ADAM23: variants seen among roughly 807,000 people sequenced by gnomAD.
The protein encoded by ADAM23 is ADAM metallopeptidase domain 23.
In ADAM23, 33 loss-of-function variants were observed where a neutral mutation model predicts 120.1. The observed-to-expected ratio is 0.27, with a 90% CI of 0.21 to 0.37. ADAM23 has a LOEUF of 0.37. ADAM23 is among the 10% of genes least tolerant of loss of function. The pLI is 1.00. For synonymous variants in ADAM23, 367 were observed against 375.2 expected, an observed-to-expected ratio of 0.98 and a Z score of 0.25; for missense variants, 862 against 1,058.2, an observed-to-expected ratio of 0.81 and a Z score of 2.57.
At chr2:206,467,159 C>T (rs969490287) in intron 2 of ADAM23, among the ~76,000 whole-genome samples, 4 of 152,162 alleles carry the variant, frequency 2.6e-5, no homozygotes, top group African/African-American at 9.7e-5. Context: ...CACCCTGGCC[C>T]CTCCCAAATC....
intron 3 of ADAM23, among the ~76,000 whole-genome samples, chr2:206,512,984 T>C (rs1268617108): frequency 6.6e-6 from 1 of 152,200 alleles, no homozygotes; most frequent in Non-Finnish European, 1.5e-5. Flanking sequence ...ACTGTACCCA[T>C]AGAATCCAGT....
intron 3 of ADAM23, among the ~76,000 whole-genome samples, chr2:206,522,518 G>T (rs1235447240): frequency 6.6e-6 from 1 of 152,096 alleles, no homozygotes; most frequent in Non-Finnish European, 1.5e-5. Context: ...CTAGAATGTG[G>T]CAAAAACTGG....
chr2:206,540,589 A>G (rs1697270665), intron 4 of ADAM23, among the ~76,000 whole-genome samples: 1 of 152,228 alleles, frequency 6.6e-6, no homozygotes, highest in African/African-American at 2.4e-5. Flanking sequence ...AGATGTAGCC[A>G]TAAAATTTCA....
chr2:206,446,889 G>T (rs1303221126), intron 2 of ADAM23, among the ~76,000 whole-genome samples: 1 of 152,172 alleles, frequency 6.6e-6, no homozygotes, highest in Non-Finnish European at 1.5e-5. Context: ...TTAAAGAAGA[G>T]AAATCCAAGG....
At position 206,554,951 on chromosome 2, in the gene ADAM23, CGTG is replaced by C. The variant is rs547376730; in HGVS notation, c.934-2473_934-2471del. Among the ~76,000 whole-genome samples, 13 of 152,172 alleles carry C rather than the reference CGTG, an allele frequency of 8.5e-5. No individual in the cohort carries two copies. In the South Asian group the frequency reaches 2.7e-3, roughly 32 times the overall value. On this transcript the variant is annotated intron_variant, in intron 9 of 25. Coordinates refer to ENST00000264377, the MANE Select transcript of ADAM23 (RefSeq NM_003812.4). ...TTATTTCATCTCTTGGCTTCTATGA[CGTG>C]GTAGCTCTCTCACCTCACTGGCTAT...
intron 3 of ADAM23, among the ~76,000 whole-genome samples, chr2:206,509,010 C>T (rs182239276): frequency 2.0e-5 from 3 of 152,288 alleles, no homozygotes; most frequent in Admixed American, 2.0e-4. Flanking sequence ...TGTTCATCCT[C>T]AGTAGTGAAG....
intron 4 of ADAM23, among the ~76,000 whole-genome samples, chr2:206,538,289 G>A (rs963767266): frequency 2.0e-5 from 3 of 151,924 alleles, no homozygotes; most frequent in Non-Finnish European, 4.4e-5. Context: ...TCCTTATTCT[G>A]CAGTACTCAA....
intron 25 of ADAM23, among the ~76,000 whole-genome samples, chr2:206,614,577 G>A (rs181767684): frequency 3.3e-5 from 5 of 152,130 alleles, no homozygotes; most frequent in African/African-American, 4.8e-5. Context: ...CCTTGAACCC[G>A]GGAGACGGAG....
chr2:206,590,000 A>AT lies in ADAM23; in HGVS notation c.1958+494dup, dbSNP rs913437071. Among the ~76,000 whole-genome samples the AT allele has an allele frequency of 9.2e-5, 14 of 152,054 alleles. 1 individual carries two copies. Among genetic ancestry groups the AT allele is most frequent in the South Asian group, 2.1e-4 (1 of 4,810 alleles). On this transcript the variant is annotated intron_variant, in intron 21 of 25. Coordinates refer to ENST00000264377, the MANE Select transcript of ADAM23 (RefSeq NM_003812.4). ...CAGATATCTAATATCTACACCAGAGATTTTTTTTCCCTTCCAAAAAGCATC... is the reference window on the plus strand; with the variant it reads ...CAGATATCTAATATCTACACCAGAGATTTTTTTTTCCCTTCCAAAAAGCATC...
intron 3 of ADAM23, among the ~76,000 whole-genome samples, chr2:206,523,559 T>G (rs1004760453): frequency 3.3e-5 from 5 of 152,200 alleles, no homozygotes; most frequent in African/African-American, 1.2e-4. Context: ...TTGTTTACAC[T>G]CAAAGGAGTG....
rs370088628 is a variant in ADAM23 at position 206,465,545 on chromosome 2, A to G, written c.433-15687A>G. Among the ~76,000 whole-genome samples the G allele has an allele frequency of 2.8e-4, 42 of 152,312 alleles. No homozygotes were observed. In the East Asian group the frequency reaches 8.1e-3, roughly 29 times the overall value. ...AATTAATGTACTGTAAGTAGCTTTT[A>G]TTTTGAGCTCTTAATCAAGTATTAA... On this transcript the variant is annotated intron_variant, in intron 2 of 25. Coordinates refer to ENST00000264377, the MANE Select transcript of ADAM23 (RefSeq NM_003812.4).
At chr2:206,571,699 G>C (rs188775038) in intron 16 of ADAM23, 28 bp from the exon 17 acceptor site, 1 of 1,570,072 alleles carries the variant, frequency 6.4e-7, no homozygotes, top group African/African-American at 1.4e-5. Context: ...AAGGCTCTTC[G>C]CTTACTCACG....
At chr2:206,577,715 A>G (rs1427212844) in intron 18 of ADAM23, among the ~76,000 whole-genome samples, 5 of 149,776 alleles carry the variant, frequency 3.3e-5, no homozygotes, top group African/African-American at 1.2e-4. Context: ...TAGTGCCACA[A>G]TAAACATACG....
intron 3 of ADAM23, among the ~76,000 whole-genome samples, chr2:206,519,868 G>C (rs184117249): frequency 6.6e-6 from 1 of 152,080 alleles, no homozygotes; most frequent in East Asian, 1.9e-4. Context: ...AAAAAGATAA[G>C]CCACTCATGG....
At position 206,482,728 on chromosome 2, in the gene ADAM23, C is replaced by T. The variant is rs1197036330; in HGVS notation, c.509+1420C>T. On this transcript the variant is annotated intron_variant, in intron 3 of 25. Coordinates refer to ENST00000264377, the MANE Select transcript of ADAM23 (RefSeq NM_003812.4). ...TTGGGGGAAGGTTGATAGACAAGTA[C>T]GTAATTTTAGAAGAGTATGAAATAT... Among the ~76,000 whole-genome samples, 3 of 152,000 alleles carry T rather than the reference C, an allele frequency of 2.0e-5. No homozygotes were observed. The East Asian group carries it at 5.8e-4, about 29-fold the overall frequency.
chr2:206,473,830 C>T (rs572244477), intron 2 of ADAM23, among the ~76,000 whole-genome samples: 12 of 151,114 alleles, frequency 7.9e-5, no homozygotes, highest in South Asian at 4.2e-4. Flanking sequence ...CAGCATGGTG[C>T]GACCCCATCT....
intron 21 of ADAM23, 108 bp from the exon 22 acceptor site, chr2:206,592,505 TAGAA>T: frequency 2.2e-6 from 3 of 1,334,618 alleles, no homozygotes; most frequent in South Asian, 1.4e-5. Context: ...TGTTTTTGTT[TAGAA>T]AGAAAGATAA....
At chr2:206,504,662 A>G (rs2105895841) in intron 3 of ADAM23, among the ~76,000 whole-genome samples, 1 of 152,316 alleles carries the variant, frequency 6.6e-6, no homozygotes, top group African/African-American at 2.4e-5. Flanking sequence ...TTTGACACAT[A>G]CTTTGTAGAG....
At chr2:206,538,470 G>A (rs3770975) in intron 4 of ADAM23, among the ~76,000 whole-genome samples, 91,720 of 151,946 alleles carry the variant, frequency 0.6, 28,079 homozygotes, top group Admixed American at 0.7. Flanking sequence ...TTTTATTATT[G>A]TATTCAGAAC....
Sources: gnomAD v4.1 joint callset for allele counts (sites outside exome capture counted in the v4.1 genomes callset) on GRCh38, gnomAD v4.1.1 for gene constraint, MANE v1.5 for transcripts, NCBI Gene and HGNC (gene_info 2026-07-23, HGNC 2026-07-21) for gene names.